Variants in ZNF540 observed in about 807,000 individuals in gnomAD.
ZNF540 encodes the protein CTD-3064H18.6.
ZNF540 carries 3 observed loss-of-function variants against 11.8 expected under a neutral mutation model. That is an observed-to-expected ratio of 0.25 (90% CI 0.12 to 0.65). The LOEUF is 0.65. Among genes scored for constraint, ZNF540 ranks in the 30% least tolerant of loss-of-function variants. The probability of loss-of-function intolerance (pLI) is 0.83; values close to 1 mark genes in which losing one functional copy is unlikely to be tolerated. For synonymous variants in ZNF540, 247 were observed against 259.0 expected (o/e 0.95, Z 0.45); for missense variants, 709 against 793.1 (o/e 0.89, Z 1.27).
At chr19:37,568,372 C>T (rs1454810024) in intron 1 of ZNF540, among the ~76,000 whole-genome samples, 1 of 148,322 alleles carries the variant, frequency 6.7e-6, no homozygotes, top group East Asian at 2.2e-4. Context: ...CAATTCATGT[C>T]AGCAACACAT....
chr19:37,590,349 G>A (rs899810459), upstream of ZNF540, among the ~76,000 whole-genome samples: 27 of 152,134 alleles, frequency 1.8e-4, no homozygotes, highest in South Asian at 1.2e-3. Context: ...CCCAGGAGGC[G>A]GAGCTTGCAG....
intron 1 of ZNF540, among the ~76,000 whole-genome samples, chr19:37,589,623 T>C (rs149319542): frequency 6.6e-6 from 1 of 152,168 alleles, no homozygotes; most frequent in Non-Finnish European, 1.5e-5. Context: ...TCCTTGAAGA[T>C]ACACCTATCA....
At chr19:37,562,402 A>AAGAT (rs1203586180) in intron 1 of ZNF540, 2 of 152,230 alleles carry the variant, frequency 1.3e-5, no homozygotes, top group African/African-American at 4.8e-5. Context: ...GAAACCAAAA[A>AAGAT]AGATAATGTA....
At chr19:37,590,035 A>G (rs1227124940), upstream of ZNF540, among the ~76,000 whole-genome samples, 1 of 152,030 alleles carries the variant, frequency 6.6e-6, no homozygotes, top group Non-Finnish European at 1.5e-5. Context: ...AAAAGAGACT[A>G]AAGAGATGAT....
chr19:37,582,540 T>C (rs1304400583), intron 1 of ZNF540, among the ~76,000 whole-genome samples: 1 of 152,166 alleles, frequency 6.6e-6, no homozygotes, highest in Non-Finnish European at 1.5e-5. Flanking sequence ...CTCATTCAGT[T>C]CCTCGGTACA....
In ZNF540 at chr19:37,611,887, A is replaced by G. The variant is rs1434057027; in HGVS notation, c.607A>G (p.Thr203Ala). ...GSTFNNVYQL[T>A]LHQKIHTGEK... The stretch of plus-strand genomic sequence containing the variant: ...TACTTTTAATAATGTCTATCAGCTT[A>G]CTCTCCATCAGAAAATTCATACTGG... Residue 203 changes from threonine (T) to alanine (A), a missense_variant, in exon 5 of 5, where the codon ACT becomes GCT. Coordinates refer to ENST00000316433, the MANE Select transcript of ZNF540 (RefSeq NM_001172225.3). 2 of 1,613,772 alleles carry G rather than the reference A, an allele frequency of 1.2e-6. No homozygotes were observed.
At chr19:37,590,122 G>A (rs2043822686), upstream of ZNF540, among the ~76,000 whole-genome samples, 2 of 58,844 alleles carry the variant, frequency 3.4e-5, no homozygotes, top group Non-Finnish European at 6.7e-5. Flanking sequence ...AGGCTATAAG[G>A]AGCTGGGCAT....
At position 37,586,412 on chromosome 19, in the gene ZNF540, C is replaced by T. The variant is rs903704132; in HGVS notation, c.-72-11964C>T. On this transcript the variant is annotated intron_variant, in intron 1 of 4. Transcript: ENST00000592533. ...TTAAAAGGAGGTATTTCTGTTCCCT[C>T]AGAGCTCTGGGCAGAAGACTATGCC... 2.5e-5 allele frequency: 13 copies of T among 520,122 alleles called. No homozygotes were observed. The Admixed American group carries it at 2.9e-4, about 11-fold the overall frequency. The allele number at this position is 520,122 out of a possible 1,614,324, so 32.2% of individuals were successfully genotyped here. A position where few individuals can be genotyped will look rare whatever the true frequency, so the allele number is the denominator to read the frequency against.
intron 4 of ZNF540, among the ~76,000 whole-genome samples, chr19:37,607,065 TATATTTTGCA>T (rs1386237282): frequency 2.0e-5 from 3 of 152,132 alleles, no homozygotes; most frequent in Middle Eastern, 3.2e-3. Flanking sequence ...ATCAGATATA[TATATTTTGCA>T]ATATTTTATT....
upstream of ZNF540, among the ~76,000 whole-genome samples, chr19:37,591,087 T>C (rs77188836): frequency 1.6e-3 from 240 of 152,366 alleles, 2 homozygotes; most frequent in East Asian, 0.023. Flanking sequence ...TGATTTATAC[T>C]TTAAAAACAA....
chr19:37,587,131 T>C (rs969150020), intron 1 of ZNF540: 2 of 158,662 alleles, frequency 1.3e-5, no homozygotes, highest in African/African-American at 4.8e-5. Flanking sequence ...CTCACAGACA[T>C]TTTGACAGAC....
At chr19:37,574,380 G>A (rs1051910236) in intron 1 of ZNF540, among the ~76,000 whole-genome samples, 2 of 151,980 alleles carry the variant, frequency 1.3e-5, no homozygotes, top group Non-Finnish European at 2.9e-5. Flanking sequence ...AGCCCCCTCC[G>A]AGCTAATTCA....
chr19:37,564,952 A>C (rs2042794693), intron 1 of ZNF540: 3 of 1,613,838 alleles, frequency 1.9e-6, no homozygotes, highest in Non-Finnish European at 1.7e-6. Context: ...GAATTCTTTG[A>C]TGATATGTAA....
intron 1 of ZNF540, chr19:37,583,531 G>GTGC (rs1368884982): frequency 6.4e-6 from 1 of 155,224 alleles, no homozygotes; most frequent in Non-Finnish European, 1.4e-5. Flanking sequence ...ACACCTCAAA[G>GTGC]TGCTGCCACC....
At chr19:37,611,399 CACTG>C in intron 4 of ZNF540, 110 bp from the exon 5 acceptor site, 1 of 736,040 alleles carries the variant, frequency 1.4e-6, no homozygotes, top group South Asian at 2.3e-5. Flanking sequence ...TTCTTTAAGC[CACTG>C]ACTTCTAGTA....
chr19:37,590,072 G>C (rs1425484820), upstream of ZNF540, among the ~76,000 whole-genome samples: 2 of 150,232 alleles, frequency 1.3e-5, no homozygotes, highest in Non-Finnish European at 2.9e-5. Flanking sequence ...TTTGATCCTA[G>C]ATATGATTTT....
intron 1 of ZNF540, among the ~76,000 whole-genome samples, chr19:37,589,795 T>G (rs549627818): frequency 1.1e-4 from 14 of 129,902 alleles, no homozygotes; most frequent in Admixed American, 6.6e-4. Flanking sequence ...AACCCGGGAG[T>G]TGGAGGTTAC....
intron 1 of ZNF540, among the ~76,000 whole-genome samples, chr19:37,577,259 G>A (rs1449939058): frequency 6.6e-6 from 1 of 151,984 alleles, no homozygotes; most frequent in Non-Finnish European, 1.5e-5. Flanking sequence ...AAATTTATAT[G>A]AGGTAAATCA....
intron 4 of ZNF540, 164 bp from the exon 5 acceptor site, chr19:37,611,349 C>T (rs1461349635): frequency 1.8e-6 from 1 of 556,392 alleles, no homozygotes; most frequent in Non-Finnish European, 3.0e-6. Context: ...TTTCTAAGCT[C>T]ATGTTGCCTA....
Sources: allele counts gnomAD v4.1 joint callset (sites outside exome capture counted in the v4.1 genomes callset), GRCh38; gene constraint gnomAD v4.1.1; transcripts MANE v1.5; gene names NCBI Gene and HGNC (gene_info 2026-07-23, HGNC 2026-07-21).